The following CMC1 variants were observed in gnomAD, a reference collection of about 807,000 sequenced individuals.
The protein encoded by CMC1 is COX assembly mitochondrial protein homolog.
A neutral mutation model predicts 14.1 loss-of-function variants in CMC1; 14 were observed. The observed-to-expected ratio is 0.99, with a 90% CI of 0.66 to 1.55. The LOEUF (loss-of-function observed/expected upper bound fraction) is 1.55, where lower values mean the gene tolerates loss of function less well. Ranked by LOEUF, CMC1 falls within the 40% of genes most tolerant of loss-of-function variation. The pLI is 0.00. For missense variants in CMC1, 127 were observed against 123.8 expected (o/e 1.03, Z -0.12); for synonymous variants, 50 against 38.4 (o/e 1.30, Z -1.12).
In CMC1 at chr3:28,321,849, A is replaced by G. The variant is rs1369845890; in HGVS notation, c.*2220A>G. On this transcript the variant is annotated 3_prime_UTR_variant, in exon 4 of 4. Transcript: ENST00000466830. The stretch of plus-strand genomic sequence containing the variant: ...GCTAATAAGGGAGCAAGAGGAAGGA[A>G]TAGGTGGCTTTTTGTTATGTTTTCT... The G allele has an allele frequency of 6.6e-6, 1 of 151,394 alleles. No homozygotes were observed. The highest frequency in any genetic ancestry group is 1.5e-5 in the Non-Finnish European group (1 of 67,538). 9.4% of individuals were successfully genotyped at this position (151,394 alleles called of 1,614,324 possible).
intron 1 of CMC1, 73 bp downstream of exon 1, chr3:28,241,885 A>G (rs1225962127): frequency 1.6e-6 from 2 of 1,222,056 alleles, no homozygotes; most frequent in Non-Finnish European, 2.0e-6. Context: ...TGCGGGCTGG[A>G]TGCCGACCTG....
chr3:28,284,670 T>G (rs547096465), intron 2 of CMC1, among the ~76,000 whole-genome samples: 1 of 152,302 alleles, frequency 6.6e-6, no homozygotes, highest in South Asian at 2.1e-4. Context: ...ACATAATTTA[T>G]TATCTAAAGC....
rs4642078 is a variant in CMC1 at position 28,278,353 on chromosome 3, T to C, written c.109+14973T>C. On this transcript the variant is annotated intron_variant, in intron 2 of 3. Coordinates refer to ENST00000466830, the MANE Select transcript of CMC1 (RefSeq NM_182523.2). ...GATATGTTAACTTTGAAGTGTCTTATTAATTATTGCAGTGTGAAACCACTT... is the reference window on the plus strand; with the variant it reads ...GATATGTTAACTTTGAAGTGTCTTACTAATTATTGCAGTGTGAAACCACTT... Among the ~76,000 whole-genome samples, 1,204 of 152,294 alleles carry C rather than the reference T, an allele frequency of 7.9e-3. 20 individuals are homozygous for C. Among genetic ancestry groups the C allele is most frequent in the African/African-American group, 0.028 (1,157 of 41,560 alleles).
At chr3:28,265,778 GT>G (rs2125469086) in intron 2 of CMC1, among the ~76,000 whole-genome samples, 1 of 152,282 alleles carries the variant, frequency 6.6e-6, no homozygotes, top group South Asian at 2.1e-4. Flanking sequence ...ACCAACAGCA[GT>G]TATTGACAGC....
chr3:28,253,567 T>C (rs1236646971), intron 1 of CMC1, among the ~76,000 whole-genome samples: 1 of 151,860 alleles, frequency 6.6e-6, no homozygotes, highest in Non-Finnish European at 1.5e-5. Context: ...GGTGACAGAA[T>C]AGTATTCTGT....
rs1401457644 is a variant in CMC1, at chr3:28,308,750, C to T, written c.110-7583C>T. On this transcript the variant is annotated intron_variant, in intron 2 of 3. Transcript: ENST00000466830. ...CTGTAATCCCAGCACTTTGGGAGGC[C>T]GAGGTGGGCGGATCACAAGGTCAGG... 3.3e-5 allele frequency among the ~76,000 whole-genome samples: 5 copies of T among 152,112 alleles called. No individual in the cohort carries two copies. The South Asian group carries it at 6.2e-4, about 19-fold the overall frequency.
chr3:28,287,766 A>G (rs984630532), intron 2 of CMC1, among the ~76,000 whole-genome samples: 4 of 151,560 alleles, frequency 2.6e-5, no homozygotes, highest in Admixed American at 6.6e-5. Flanking sequence ...TCCATTATTA[A>G]TGGTCAGAAT....
intron 2 of CMC1, among the ~76,000 whole-genome samples, chr3:28,269,070 T>C (rs1700143057): frequency 6.6e-6 from 1 of 152,228 alleles, no homozygotes; most frequent in Admixed American, 6.5e-5. Flanking sequence ...TAGTTGTTGT[T>C]AATCTCATAC....
Position 28,319,599 on chromosome 3 carries a change from A to G in CMC1, c.291A>G (p.Lys97=). Residue 97 remains lysine, a synonymous_variant, in exon 4 of 4, where the codon AAA becomes AAG. Coordinates refer to ENST00000466830, the MANE Select transcript of CMC1 (RefSeq NM_182523.2). ...GAAAAACTGGAATTCCTACAAAGAAAAGGCTACAGAAGCTTCCAACAAGCA... is the reference window on the plus strand; with the variant it reads ...GAAAAACTGGAATTCCTACAAAGAAGAGGCTACAGAAGCTTCCAACAAGCA... ...EFRKTGIPTK[K]RLQKLPTSM The G allele has an allele frequency of 2.1e-5, 33 of 1,607,932 alleles. No homozygotes were observed. Among genetic ancestry groups the G allele is most frequent in the Non-Finnish European group, 2.7e-5 (32 of 1,176,786 alleles).
chr3:28,276,360 G>A (rs1577028489), intron 2 of CMC1, among the ~76,000 whole-genome samples: 2 of 152,010 alleles, frequency 1.3e-5, no homozygotes, highest in South Asian at 2.1e-4. Flanking sequence ...AGGTATAATT[G>A]TGTAAAATCT....
intron 1 of CMC1, among the ~76,000 whole-genome samples, chr3:28,255,210 A>G (rs1054084305): frequency 1.3e-5 from 2 of 149,436 alleles, no homozygotes; most frequent in African/African-American, 4.9e-5. Flanking sequence ...CCATGCTTCC[A>G]GTTCCTTCTC....
At chr3:28,245,087 A>G (rs1049719795) in intron 1 of CMC1, among the ~76,000 whole-genome samples, 3 of 151,924 alleles carry the variant, frequency 2.0e-5, no homozygotes, top group African/African-American at 4.8e-5. Flanking sequence ...AGATACACCA[A>G]TTGAGGTTCA....
Position 28,323,856 on chromosome 3 carries a change from G to A in CMC1, c.*4227G>A. 1.9e-6 allele frequency: 1 copy of A among 538,328 alleles called. No individual in the cohort carries two copies. Among genetic ancestry groups the A allele is most frequent in the Non-Finnish European group, 3.3e-6 (1 of 306,410 alleles). The allele number at this position is 538,328 out of a possible 1,614,324, so 33.3% of individuals were successfully genotyped here. ...TTCTTAGAATATGGAGCTAGAGGGT[G>A]CTCTTTCATACTAGAAAACCAACTA... is the stretch of plus-strand genomic sequence containing the variant. On this transcript the variant is annotated 3_prime_UTR_variant, in exon 4 of 4. Coordinates refer to ENST00000466830, the MANE Select transcript of CMC1 (RefSeq NM_182523.2).
intron 1 of CMC1, among the ~76,000 whole-genome samples, chr3:28,242,716 G>A (rs1026925778): frequency 3.3e-5 from 5 of 152,162 alleles, no homozygotes; most frequent in Non-Finnish European, 4.4e-5. Flanking sequence ...AAACTGAGGC[G>A]AAGAGAAGTT....
chr3:28,314,031 T>C (rs1702767918), intron 2 of CMC1, among the ~76,000 whole-genome samples: 1 of 152,208 alleles, frequency 6.6e-6, no homozygotes, highest in Admixed American at 6.5e-5. Flanking sequence ...GGTAAGGTGG[T>C]GCAGGGGAAT....
intron 2 of CMC1, among the ~76,000 whole-genome samples, chr3:28,269,996 T>C (rs551349037): frequency 6.6e-6 from 1 of 152,204 alleles, no homozygotes; most frequent in Non-Finnish European, 1.5e-5. Context: ...ATTGTTCAGC[T>C]CCCACTTATA....
chr3:28,296,128 C>A (rs1382963516), intron 2 of CMC1, among the ~76,000 whole-genome samples: 2 of 152,094 alleles, frequency 1.3e-5, no homozygotes, highest in African/African-American at 4.8e-5. Context: ...CTTCCCCCAG[C>A]TGTTGTAAGA....
intron 2 of CMC1, among the ~76,000 whole-genome samples, chr3:28,269,601 T>C (rs1186814578): frequency 6.6e-6 from 1 of 152,062 alleles, no homozygotes; most frequent in African/African-American, 2.4e-5. Flanking sequence ...AGTCTCTCTC[T>C]GTTGCCTAAG....
chr3:28,304,627 A>G lies in CMC1; in HGVS notation c.110-11706A>G, dbSNP rs528713766. On this transcript the variant is annotated intron_variant, in intron 2 of 3. Coordinates refer to ENST00000466830, the MANE Select transcript of CMC1 (RefSeq NM_182523.2). ...TAATGATTATTCCTTCCTTGACCCA[A>G]ACTTTCCCAGAAAAGATAGTCATCT... is the stretch of plus-strand genomic sequence containing the variant. Among the ~76,000 whole-genome samples, 33 of 152,228 alleles carry G rather than the reference A, an allele frequency of 2.2e-4. 1 individual carries two copies. Among genetic ancestry groups the G allele is most frequent in the African/African-American group, 7.9e-4 (33 of 41,556 alleles).
Sources: allele counts gnomAD v4.1 joint callset (sites outside exome capture counted in the v4.1 genomes callset), GRCh38; gene constraint gnomAD v4.1.1; transcripts MANE v1.5; gene names NCBI Gene and HGNC (gene_info 2026-07-23, HGNC 2026-07-21).